DCAF1: variants seen among roughly 807,000 people sequenced by gnomAD.
The protein encoded by DCAF1 is DDB1- and CUL4-associated factor 1.
A neutral mutation model predicts 128.0 loss-of-function variants in DCAF1; 15 were observed. The observed-to-expected ratio is 0.12, with a 90% CI of 0.08 to 0.18. The LOEUF is 0.18. Ranked by LOEUF, DCAF1 falls within the 10% of genes least tolerant of loss-of-function variation. The probability of loss-of-function intolerance (pLI) is 1.00; values close to 1 mark genes in which losing one functional copy is unlikely to be tolerated. For synonymous variants in DCAF1, 610 were observed against 603.0 expected (o/e 1.01, Z -0.17); for missense variants, 988 against 1,649.5 (o/e 0.60, Z 6.95).
intron 19 of DCAF1, among the ~76,000 whole-genome samples, chr3:51,414,319 C>T (rs1698690079): frequency 6.6e-6 from 1 of 152,184 alleles, no homozygotes. Flanking sequence ...TGATTTTTTA[C>T]AGAGCAAAAG....
At chr3:51,419,359 CAA>C (rs11381682) in intron 15 of DCAF1, among the ~76,000 whole-genome samples, 3 of 131,368 alleles carry the variant, frequency 2.3e-5, no homozygotes, top group Admixed American at 7.7e-5. Context: ...ACTCCGTCTC[CAA>C]AAAAAAAAAA....
At chr3:51,479,091 CT>C (rs1705840259) in intron 3 of DCAF1, among the ~76,000 whole-genome samples, 1 of 152,140 alleles carries the variant, frequency 6.6e-6, no homozygotes, top group African/African-American at 2.4e-5. Flanking sequence ...CCTCCCCAGC[CT>C]TTACTTTTCA....
chr3:51,453,109 C>G (rs1702521188), intron 6 of DCAF1, among the ~76,000 whole-genome samples: 2 of 151,866 alleles, frequency 1.3e-5, no homozygotes, highest in Admixed American at 1.3e-4. Context: ...TCAAAATAAT[C>G]CATATTAAAA....
chr3:51,455,790 G>T (rs577591752), intron 6 of DCAF1, among the ~76,000 whole-genome samples: 1 of 152,004 alleles, frequency 6.6e-6, no homozygotes, highest in African/African-American at 2.4e-5. Context: ...CCAGCTACTT[G>T]GGAGGCTGAG....
intron 2 of DCAF1, among the ~76,000 whole-genome samples, chr3:51,493,529 A>T (rs1553659237): frequency 6.6e-6 from 1 of 152,202 alleles, no homozygotes; most frequent in Non-Finnish European, 1.5e-5. Flanking sequence ...AAAAGTAGAA[A>T]CAACCCAAAA....
At chr3:51,413,918 G>T in intron 20 of DCAF1, 32 bp downstream of exon 20, 1 of 1,453,706 alleles carries the variant, frequency 6.9e-7, no homozygotes, top group Non-Finnish European at 9.1e-7. Context: ...AGAGCAAAAG[G>T]AAAGAGAATA....
intron 13 of DCAF1, among the ~76,000 whole-genome samples, chr3:51,424,010 G>T (rs1179616845): frequency 2.6e-5 from 4 of 151,952 alleles, no homozygotes; most frequent in African/African-American, 9.7e-5. Flanking sequence ...AAGAATGAGG[G>T]AAAGGGTTCA....
chr3:51,431,637 T>C (rs1303125563), intron 10 of DCAF1, among the ~76,000 whole-genome samples: 2 of 151,926 alleles, frequency 1.3e-5, no homozygotes, highest in African/African-American at 4.8e-5. Context: ...ATTATCTCCA[T>C]AACAAACTAT....
chr3:51,461,925 G>A (rs1703631605), intron 6 of DCAF1, among the ~76,000 whole-genome samples: 1 of 152,116 alleles, frequency 6.6e-6, no homozygotes, highest in Non-Finnish European at 1.5e-5. Flanking sequence ...GGTGGGGGAA[G>A]CGGGAAGGGA....
intron 9 of DCAF1, among the ~76,000 whole-genome samples, chr3:51,434,130 G>A (rs1700618295): frequency 6.6e-6 from 1 of 151,226 alleles, no homozygotes; most frequent in Admixed American, 6.6e-5. Flanking sequence ...GGTCAGGCAG[G>A]GTGTCTCACT....
chr3:51,415,651 A>C (rs1698813288), intron 18 of DCAF1, among the ~76,000 whole-genome samples: 2 of 152,096 alleles, frequency 1.3e-5, no homozygotes, highest in Non-Finnish European at 2.9e-5. Flanking sequence ...ACAGTGACAT[A>C]ATCATAGCTC....
At chr3:51,403,927 A>G (rs1391654849) in intron 23 of DCAF1, among the ~76,000 whole-genome samples, 3 of 152,258 alleles carry the variant, frequency 2.0e-5, no homozygotes, top group Non-Finnish European at 4.4e-5. Flanking sequence ...ACATTGCAAC[A>G]AAAGACTTAA....
At chr3:51,396,962 C>G (rs200785725), downstream of DCAF1, 103 of 167,162 alleles carry the variant, frequency 6.2e-4, 2 homozygotes, top group East Asian at 8.5e-3. Flanking sequence ...GTCCTCTGCT[C>G]TCCAGAGGAC....
At position 51,403,178 on chromosome 3, in the gene DCAF1, T is replaced by C. The variant is rs1553625478; in HGVS notation, c.4430A>G (p.Asp1477Gly). ...GATCAGTTCCACCTCCTCATCTGCA[T>C]CAGAGTCTTCATCCTCCCCGTCCTC... The part of the protein sequence containing the change: ...EGEDGEDEDS[D>G]ADEEVELILG... Residue 1477 changes from aspartate to glycine, a missense_variant, in exon 24 of 25, where the codon GAT (aspartate) becomes GGT (glycine). By Grantham distance (94) the Asp-to-Gly change is moderately conservative (BLOSUM62 -1). Coordinates refer to ENST00000684031, the MANE Select transcript of DCAF1 (RefSeq NM_001387579.1). The C allele has an allele frequency of 3.1e-6, 5 of 1,613,900 alleles. No individual in the cohort carries two copies. Among genetic ancestry groups the C allele is most frequent in the Non-Finnish European group, 4.2e-6 (5 of 1,179,832 alleles).
intron 23 of DCAF1, among the ~76,000 whole-genome samples, chr3:51,408,098 C>G (rs1425516070): frequency 6.6e-6 from 1 of 151,184 alleles, no homozygotes; most frequent in Non-Finnish European, 1.5e-5. Context: ...TGAAGGCAGG[C>G]AGACTAGCAG....
chr3:51,457,582 A>G (rs529649341), intron 6 of DCAF1, among the ~76,000 whole-genome samples: 63 of 152,268 alleles, frequency 4.1e-4, no homozygotes, highest in Middle Eastern at 3.4e-3. Flanking sequence ...GATACTCCTC[A>G]AGAAGAGCAA....
chr3:51,429,485 AAT>A lies in DCAF1; in HGVS notation c.1468-17_1468-16del. ...AAAGTACTGATCTATTAAGATGCAA[AAT>A]ATTGGGGCAAAAGAGGGGAAAAGGC... On this transcript the variant is annotated splice_polypyrimidine_tract_variant and intron_variant, in intron 11 of 24. Transcript: ENST00000684031. 1 of 778,820 alleles carries A rather than the reference AAT, an allele frequency of 1.3e-6. No homozygotes were observed. 48.2% of individuals were successfully genotyped at this position (778,820 alleles called of 1,614,324 possible). A position where few individuals can be genotyped will look rare whatever the true frequency, so the allele number is the denominator to read the frequency against.
chr3:51,452,683 G>A (rs1702471857), intron 6 of DCAF1, among the ~76,000 whole-genome samples: 1 of 152,076 alleles, frequency 6.6e-6, no homozygotes, highest in South Asian at 2.1e-4. Flanking sequence ...TTTCCTACAA[G>A]GACAACATGG....
At chr3:51,458,474 A>C (rs558389975) in intron 6 of DCAF1, among the ~76,000 whole-genome samples, 20 of 152,274 alleles carry the variant, frequency 1.3e-4, no homozygotes, top group African/African-American at 4.6e-4. Flanking sequence ...GGGAGACTTT[A>C]ACACCCCACT....
Sources: gnomAD v4.1 joint callset for allele counts (sites outside exome capture counted in the v4.1 genomes callset) on GRCh38, gnomAD v4.1.1 for gene constraint, MANE v1.5 for transcripts, NCBI Gene and HGNC (gene_info 2026-07-23, HGNC 2026-07-21) for gene names.